Variants in SLIT2 observed in about 807,000 individuals in gnomAD.
SLIT2 encodes the protein slit guidance ligand 2, also known as slit homolog 2 protein.
Under a neutral mutation model 185.7 loss-of-function variants are expected in SLIT2, and 41 were observed. That is an observed-to-expected ratio of 0.22 (90% CI 0.17 to 0.29). The LOEUF is 0.29. Among genes scored for constraint, SLIT2 ranks in the 10% least tolerant of loss-of-function variants. The pLI, the probability that SLIT2 is intolerant of heterozygous loss-of-function variation, is 1.00. For missense variants in SLIT2, 1,571 were observed against 1,909.0 expected, an observed-to-expected ratio of 0.82 and a Z score of 3.30; for synonymous variants, 693 against 680.2, an observed-to-expected ratio of 1.02 and a Z score of -0.29.
chr4:20,603,560 A>G (rs991141813), intron 33 of SLIT2, among the ~76,000 whole-genome samples: 47 of 152,200 alleles, frequency 3.1e-4, no homozygotes, highest in Non-Finnish European at 8.8e-5. Flanking sequence ...TGAAAAATAT[A>G]TGCTTCTTTT....
intron 4 of SLIT2, among the ~76,000 whole-genome samples, chr4:20,344,733 A>C (rs954197603): frequency 6.6e-6 from 1 of 152,220 alleles, no homozygotes; most frequent in Non-Finnish European, 1.5e-5. Context: ...GACTTAGTCA[A>C]ATATAAGAAC....
chr4:20,487,521 A>C (rs969854377), intron 7 of SLIT2, among the ~76,000 whole-genome samples: 3 of 152,102 alleles, frequency 2.0e-5, no homozygotes, highest in African/African-American at 7.2e-5. Context: ...TTCCATTTTT[A>C]CATTCTTTTC....
At chr4:20,548,608 A>C in intron 23 of SLIT2, 49 bp downstream of exon 23, 1 of 1,089,812 alleles carries the variant, frequency 9.2e-7, no homozygotes, top group Non-Finnish European at 1.4e-6. Flanking sequence ...AATGGACAAA[A>C]GGCAGTCTCT....
Position 20,529,089 on chromosome 4 carries a change from A to G in SLIT2, c.1603A>G (p.Thr535Ala), listed in dbSNP as rs1317098175. ...NKIPEHIPQY[T>A]AELRLNNNEF... ...AATCCCGGAGCACATTCCCCAGTACACTGCAGAGTTGTAAGTTCATCCCCC... is the reference window on the plus strand; with the variant it reads ...AATCCCGGAGCACATTCCCCAGTACGCTGCAGAGTTGTAAGTTCATCCCCC... Residue 535 changes from threonine (T) to alanine (A), a missense_variant, in exon 16 of 37, where the codon ACT (threonine) becomes GCT (alanine). This residue lies in a region of SLIT2 where 1,202 missense variants were observed against 1,416.4 expected (regional missense o/e 0.85). Transcript: ENST00000504154. 2 of 1,606,656 alleles carry G rather than the reference A, an allele frequency of 1.2e-6. No homozygotes were observed. Among genetic ancestry groups the G allele is most frequent in the Admixed American group, 1.7e-5 (1 of 59,752 alleles).
intron 4 of SLIT2, among the ~76,000 whole-genome samples, chr4:20,411,591 C>G (rs1428724967): frequency 2.0e-5 from 3 of 152,148 alleles, no homozygotes; most frequent in Admixed American, 1.3e-4. Flanking sequence ...GTCAAAGAAA[C>G]TTGAACTCAG....
At chr4:20,383,069 A>G (rs1437671412) in intron 4 of SLIT2, among the ~76,000 whole-genome samples, 2 of 152,202 alleles carry the variant, frequency 1.3e-5, no homozygotes, top group African/African-American at 2.4e-5. Context: ...ACCATTTGAA[A>G]TGATGTTGAA....
At chr4:20,307,878 C>G (rs536180257) in intron 4 of SLIT2, among the ~76,000 whole-genome samples, 1 of 152,188 alleles carries the variant, frequency 6.6e-6, no homozygotes, top group African/African-American at 2.4e-5. Flanking sequence ...GACCCACTGC[C>G]TGTCCCCTGA....
chr4:20,360,728 A>G (rs1033203368), intron 4 of SLIT2, among the ~76,000 whole-genome samples: 3 of 152,196 alleles, frequency 2.0e-5, no homozygotes, highest in African/African-American at 7.2e-5. Context: ...AATAAAATTT[A>G]TGAAAAACTG....
At chr4:20,605,511 A>C (rs1457043672) in intron 33 of SLIT2, among the ~76,000 whole-genome samples, 3 of 152,140 alleles carry the variant, frequency 2.0e-5, no homozygotes, top group Admixed American at 2.0e-4. Flanking sequence ...AGTTTTTGTG[A>C]ATCATAAAAT....
chr4:20,422,913 C>T (rs1336085579), intron 4 of SLIT2, among the ~76,000 whole-genome samples: 4 of 151,882 alleles, frequency 2.6e-5, no homozygotes, highest in Admixed American at 2.6e-4. Flanking sequence ...TTAACTTTAG[C>T]CACTCTATTT....
chr4:20,340,945 G>A (rs1448739026), intron 4 of SLIT2, among the ~76,000 whole-genome samples: 1 of 152,088 alleles, frequency 6.6e-6, no homozygotes, highest in Non-Finnish European at 1.5e-5. Context: ...TCTATGGGAA[G>A]AAAAAAGAAA....
At chr4:20,273,926 G>A (rs1288337590) in intron 4 of SLIT2, among the ~76,000 whole-genome samples, 1 of 152,184 alleles carries the variant, frequency 6.6e-6, no homozygotes, top group African/African-American at 2.4e-5. Flanking sequence ...AAATCCGACT[G>A]TGATTGTGCA....
At chr4:20,537,131 A>G (rs1452418327) in intron 18 of SLIT2, among the ~76,000 whole-genome samples, 6 of 152,222 alleles carry the variant, frequency 3.9e-5, no homozygotes, top group Non-Finnish European at 7.3e-5. Context: ...TAAAATAACA[A>G]TAGTATAGTA....
intron 4 of SLIT2, among the ~76,000 whole-genome samples, chr4:20,342,765 C>T (rs1286609940): frequency 9.4e-5 from 9 of 95,752 alleles, no homozygotes; most frequent in East Asian, 3.4e-4. Context: ...GTTCTAATGT[C>T]GGTCCATGTG....
At chr4:20,567,717 A>G in intron 28 of SLIT2, 102 bp downstream of exon 28, 4 of 911,038 alleles carry the variant, frequency 4.4e-6, no homozygotes, top group Non-Finnish European at 7.0e-6. Context: ...GTATTTTTCA[A>G]AGAATTTGAG....
At chr4:20,338,213 G>A (rs1720667232) in intron 4 of SLIT2, among the ~76,000 whole-genome samples, 1 of 152,092 alleles carries the variant, frequency 6.6e-6, no homozygotes, top group Non-Finnish European at 1.5e-5. Context: ...CTCTTCCCTT[G>A]TGTTAGAATT....
intron 4 of SLIT2, among the ~76,000 whole-genome samples, chr4:20,317,190 CTT>C (rs1354146494): frequency 6.6e-6 from 1 of 151,816 alleles, no homozygotes; most frequent in East Asian, 1.9e-4. Context: ...ATTCATGAGA[CTT>C]TTTCCCCACA....
At chr4:20,258,096 T>TA (rs1477576122) in intron 3 of SLIT2, among the ~76,000 whole-genome samples, 157 bp downstream of exon 3, 2 of 151,876 alleles carry the variant, frequency 1.3e-5, no homozygotes, top group African/African-American at 2.4e-5. Flanking sequence ...TTATGACAAA[T>TA]AGAGTTCCTG....
chr4:20,274,734 G>T (rs181714071), intron 4 of SLIT2, among the ~76,000 whole-genome samples: 15 of 139,530 alleles, frequency 1.1e-4, no homozygotes, highest in African/African-American at 4.1e-4. Flanking sequence ...ATGCAAGAAA[G>T]TTTCTGTGTT....
Sources: gnomAD v4.1 joint callset for allele counts (sites outside exome capture counted in the v4.1 genomes callset) on GRCh38, gnomAD v4.1.1 for gene constraint, gnomAD v4.1.1 regional missense constraint, MANE v1.5 for transcripts, NCBI Gene and HGNC (gene_info 2026-07-23, HGNC 2026-07-21) for gene names.